The following KNCN variants were observed in gnomAD, a reference collection of about 807,000 sequenced individuals.
KNCN encodes kinocilin.
KNCN carries 11 observed loss-of-function variants against 10.4 expected under a neutral mutation model. That is an observed-to-expected ratio of 1.06 (90% CI 0.67 to 1.75). The LOEUF is 1.75. Ranked by LOEUF, KNCN falls within the 40% of genes most tolerant of loss-of-function variation. KNCN has a pLI of 0.00. For synonymous variants in KNCN, 67 were observed against 71.6 expected, an observed-to-expected ratio of 0.94 and a Z score of 0.33; for missense variants, 172 against 167.1, an observed-to-expected ratio of 1.03 and a Z score of -0.16.
chr1:46,549,813 CAGCT>C, intron 2 of KNCN, 117 bp downstream of exon 2: 1 of 1,515,396 alleles, frequency 6.6e-7, no homozygotes, highest in Non-Finnish European at 8.9e-7. Context: ...CTAACACAGA[CAGCT>C]AGCGCGGTCT....
Position 46,551,040 on chromosome 1 carries a change from C to T in KNCN, c.151+25G>A, listed in dbSNP as rs2148510030. 1.3e-6 allele frequency: 2 copies of T among 1,559,508 alleles called. No individual in the cohort carries two copies. Among genetic ancestry groups the T allele is most frequent in the East Asian group, 2.4e-5 (1 of 42,296 alleles). On this transcript the variant is annotated intron_variant, in intron 1 of 3. Transcript: ENST00000481882. This position sits in a 1 kb window ranked among gnomAD's most constrained non-coding sequence, Gnocchi z 4.0. ...CCCCCACCTCCAGAATCTCCCTTCC[C>T]TATCCCAGCCCAGCCCCTGCTCACC...
chr1:46,550,879 G>A (rs2148509912), intron 1 of KNCN, among the ~76,000 whole-genome samples, 186 bp downstream of exon 1: 1 of 152,180 alleles, frequency 6.6e-6, no homozygotes, highest in Middle Eastern at 3.4e-3. Flanking sequence ...TGGCTGGAAG[G>A]AGCCCCAGCG....
At chr1:46,549,148 A>AG in intron 3 of KNCN, 45 bp downstream of exon 3, 2 of 1,443,252 alleles carry the variant, frequency 1.4e-6, no homozygotes, top group Non-Finnish European at 1.8e-6. Flanking sequence ...TCTCAAAAAA[A>AG]AAAAAGAAAA....
At chr1:46,549,383 G>C in intron 2 of KNCN, 116 bp from the exon 3 acceptor site, 1 of 697,828 alleles carries the variant, frequency 1.4e-6, no homozygotes, top group South Asian at 2.1e-5. Flanking sequence ...TGCTGTCTTT[G>C]CTCCACTGCA....
At position 46,549,938 on chromosome 1, in the gene KNCN, G is replaced by T; in HGVS notation, c.216C>A (p.Thr72=). The T allele has an allele frequency of 6.4e-7, 1 of 1,550,600 alleles. No individual in the cohort carries two copies. The highest frequency in any genetic ancestry group is 1.2e-5 in the South Asian group (1 of 84,060). Residue 72 remains threonine (T), a synonymous_variant, in exon 2 of 4, where the codon ACC becomes ACA. Coordinates refer to ENST00000481882, the MANE Select transcript of KNCN (RefSeq NM_001322255.2). ...ARFNLDHILP[T]IGSLRIHPHP... ...GGGGTCAGGGAGAGGCCTCACCTAT[G>T]GTAGGCAGGATGTGGTCCAGGTTGA...
Position 46,549,961 on chromosome 1 carries a change from T to C in KNCN, c.193A>G (p.Asn65Asp). 1 of 1,550,554 alleles carries C rather than the reference T, an allele frequency of 6.4e-7. No homozygotes were observed. Among genetic ancestry groups the C allele is most frequent in the African/African-American group, 1.4e-5 (1 of 73,116 alleles). ...ATGGTAGGCAGGATGTGGTCCAGGT[T>C]GAACCGAGCCTTCAGGAAGGGGTAG... ...LAYPFLKARF[N>D]LDHILPTIGS... Residue 65 changes from asparagine to aspartate, a missense_variant, in exon 2 of 4, where the codon AAC (asparagine) becomes GAC (aspartate). By Grantham distance (23) the Asn-to-Asp change is conservative. Transcript: ENST00000481882.
Position 46,546,267 on chromosome 1 carries a change from G to A in KNCN, c.*1463C>T, listed in dbSNP as rs1569930908. The A allele has an allele frequency of 6.6e-6, 1 of 152,340 alleles. No individual in the cohort carries two copies. The highest frequency in any genetic ancestry group is 1.9e-4 in the East Asian group (1 of 5,180). The allele number at this position is 152,340 out of a possible 1,614,324, so 9.4% of individuals were successfully genotyped here. ...CTTTCCCATCTGAGATGGACTCTGT[G>A]CTTCAGAAAACTTTGGTTTTTCCAA... On this transcript the variant is annotated 3_prime_UTR_variant, in exon 4 of 4. Transcript: ENST00000481882.
chr1:46,551,567 C>A lies in KNCN; in HGVS notation c.-352G>T. The stretch of plus-strand genomic sequence containing the variant: ...GGAGCTGGGCCTGTTCCATAGGATC[C>A]TTCCCTGCCAGCCTCCACCCAGGAG... On this transcript the variant is annotated 5_prime_UTR_variant, in exon 1 of 4. It adds an upstream start codon to the 5' untranslated region. Coordinates refer to ENST00000481882, the MANE Select transcript of KNCN (RefSeq NM_001322255.2). The surrounding 1 kb of genome is among the most constrained non-coding windows in gnomAD (Gnocchi z 4.0). The A allele has an allele frequency of 4.9e-6, 1 of 203,394 alleles. No homozygotes were observed. Among genetic ancestry groups the A allele is most frequent in the Non-Finnish European group, 9.8e-6 (1 of 102,200 alleles). 12.6% of individuals were successfully genotyped at this position (203,394 alleles called of 1,614,324 possible).
At chr1:46,550,991 C>G in intron 1 of KNCN, 74 bp downstream of exon 1, 1 of 1,386,662 alleles carries the variant, frequency 7.2e-7, no homozygotes, top group Non-Finnish European at 9.8e-7. Flanking sequence ...TTCCCTGTTC[C>G]TTGTTCACCT....
In KNCN at chr1:46,550,015, A is replaced by C; in HGVS notation, c.152-13T>G. On this transcript the variant is annotated splice_polypyrimidine_tract_variant and intron_variant, in intron 1 of 3. Coordinates refer to ENST00000481882, the MANE Select transcript of KNCN (RefSeq NM_001322255.2). Reference sequence around the variant, plus strand: ...AAGATGAGGAGCCCTGAGAAGAGACACAGGGGGTTCTGTGATGGGGAGGAG... The same window carrying C: ...AAGATGAGGAGCCCTGAGAAGAGACCCAGGGGGTTCTGTGATGGGGAGGAG... The C allele has an allele frequency of 6.4e-7, 1 of 1,550,598 alleles. No homozygotes were observed. Among genetic ancestry groups the C allele is most frequent in the South Asian group, 1.2e-5 (1 of 84,054 alleles).
At position 46,547,356 on chromosome 1, in the gene KNCN, C is replaced by T. The variant is rs771903515; in HGVS notation, c.*374G>A. The T allele has an allele frequency of 3.9e-5, 19 of 488,490 alleles. No individual in the cohort carries two copies. Among genetic ancestry groups the T allele is most frequent in the South Asian group, 2.9e-4 (19 of 64,722 alleles). The allele number at this position is 488,490 out of a possible 1,614,324, so 30.3% of individuals were successfully genotyped here. ...TCTGTAGCCGGGTTAGAGCAAGGGA[C>T]TGGGGCATCCTGGTCATAGTCAGGG... is the stretch of plus-strand genomic sequence containing the variant. On this transcript the variant is annotated 3_prime_UTR_variant, in exon 4 of 4. Coordinates refer to ENST00000481882, the MANE Select transcript of KNCN (RefSeq NM_001322255.2).
In KNCN at chr1:46,546,718, C is replaced by T. The variant is rs1002981230; in HGVS notation, c.*1012G>A. 5.9e-5 allele frequency: 9 copies of T among 152,384 alleles called. No homozygotes were observed. Among genetic ancestry groups the T allele is most frequent in the African/African-American group, 2.2e-4 (9 of 41,432 alleles). 9.4% of individuals were successfully genotyped at this position (152,384 alleles called of 1,614,324 possible). Reference sequence around the variant, plus strand: ...TGAATCCATTAACATTTATTAAGCACCTACTGGTCTGGTGCTAGACACTAG... The same window carrying T: ...TGAATCCATTAACATTTATTAAGCATCTACTGGTCTGGTGCTAGACACTAG... On this transcript the variant is annotated 3_prime_UTR_variant, in exon 4 of 4. Transcript: ENST00000481882.
At chr1:46,547,916 C>T in intron 3 of KNCN, 107 bp from the exon 4 acceptor site, 2 of 743,206 alleles carry the variant, frequency 2.7e-6, no homozygotes, top group Non-Finnish European at 2.1e-6. Flanking sequence ...CCTGGTTGAC[C>T]CCAGGGCAGA....
chr1:46,549,820 C>T lies in KNCN; in HGVS notation c.220+114G>A, dbSNP rs200551385. The stretch of plus-strand genomic sequence containing the variant: ...CAGCAGCTCTAACACAGACAGCTAG[C>T]GCGGTCTCACACATGGGCTCATCCC... On this transcript the variant is annotated intron_variant, in intron 2 of 3. Transcript: ENST00000481882. 1.9e-3 allele frequency: 2,731 copies of T among 1,460,696 alleles called. 2 individuals carry two copies. The highest frequency in any genetic ancestry group is 2.3e-3 in the Non-Finnish European group (2,537 of 1,103,234). The allele number at this position is 1,460,696 out of a possible 1,614,324, so 90.5% of individuals were successfully genotyped here. A position where few individuals can be genotyped will look rare whatever the true frequency, so the allele number is the denominator to read the frequency against.
chr1:46,551,342 A>G lies in KNCN; in HGVS notation c.-127T>C. The G allele has an allele frequency of 9.4e-7, 1 of 1,064,566 alleles. No individual in the cohort carries two copies. The highest frequency in any genetic ancestry group is 1.3e-6 in the Non-Finnish European group (1 of 746,514). The allele number at this position is 1,064,566 out of a possible 1,614,324, so 65.9% of individuals were successfully genotyped here. A position where few individuals can be genotyped will look rare whatever the true frequency, so the allele number is the denominator to read the frequency against. ...TTCAGGGTAGGAGTTTCTGGGCAGTAAGATGATAGGTGGGGAACCCTGGGA... is the reference window on the plus strand; with the variant it reads ...TTCAGGGTAGGAGTTTCTGGGCAGTGAGATGATAGGTGGGGAACCCTGGGA... On this transcript the variant is annotated 5_prime_UTR_variant, in exon 1 of 4. Coordinates refer to ENST00000481882, the MANE Select transcript of KNCN (RefSeq NM_001322255.2). This position sits in a 1 kb window ranked among gnomAD's most constrained non-coding sequence, Gnocchi z 4.0.
intron 1 of KNCN, among the ~76,000 whole-genome samples, chr1:46,550,527 G>C (rs983494031): frequency 6.9e-6 from 1 of 144,760 alleles, no homozygotes; most frequent in Non-Finnish European, 1.5e-5. Flanking sequence ...TGGCCTGGGC[G>C]GGGGCGGGGG....
At position 46,547,813 on chromosome 1, in the gene KNCN, G is replaced by C. The variant is rs1666979662; in HGVS notation, c.296-4C>G. 2.1e-6 allele frequency: 3 copies of C among 1,455,648 alleles called. No homozygotes were observed. The highest frequency in any genetic ancestry group is 2.7e-6 in the Non-Finnish European group (3 of 1,103,386). 90.2% of individuals were successfully genotyped at this position (1,455,648 alleles called of 1,614,324 possible). A position where few individuals can be genotyped will look rare whatever the true frequency, so the allele number is the denominator to read the frequency against. ...GTGGACAGGCTGCTGCGGGCTCCTG[G>C]GGGAGAGAACAGGGACGAGGACTGC... On this transcript the variant is annotated splice_polypyrimidine_tract_variant and splice_region_variant and intron_variant, in intron 3 of 3. Transcript: ENST00000481882.
rs779604944 is a variant in KNCN, at chr1:46,547,569, C to T, written c.*161G>A. On this transcript the variant is annotated 3_prime_UTR_variant, in exon 4 of 4. Coordinates refer to ENST00000481882, the MANE Select transcript of KNCN (RefSeq NM_001322255.2). ...TCCATTTTGGAGAGGCTTGGCCGGGCGAGTGCAAAAGGCCCCATTCCAGAC... is the reference window on the plus strand; with the variant it reads ...TCCATTTTGGAGAGGCTTGGCCGGGTGAGTGCAAAAGGCCCCATTCCAGAC... 11 of 719,372 alleles carry T rather than the reference C, an allele frequency of 1.5e-5. No homozygotes were observed. Among genetic ancestry groups the T allele is most frequent in the African/African-American group, 3.5e-5 (2 of 57,380 alleles). 44.6% of individuals were successfully genotyped at this position (719,372 alleles called of 1,614,324 possible).
rs1388770457 is a variant in KNCN at position 46,551,404 on chromosome 1, C to T, written c.-189G>A. 1 of 556,634 alleles carries T rather than the reference C, an allele frequency of 1.8e-6. No homozygotes were observed. The highest frequency in any genetic ancestry group is 3.0e-6 in the Non-Finnish European group (1 of 329,320). 34.5% of individuals were successfully genotyped at this position (556,634 alleles called of 1,614,324 possible). On this transcript the variant is annotated 5_prime_UTR_variant, in exon 1 of 4. Coordinates refer to ENST00000481882, the MANE Select transcript of KNCN (RefSeq NM_001322255.2). This position sits in a 1 kb window ranked among gnomAD's most constrained non-coding sequence, Gnocchi z 4.0. ...TCCTATTCCACTGCTCCACTACGGG[C>T]CCCCCAGTCCCACCTTGACCAGGGA...
Sources: gnomAD v4.1 joint callset for allele counts (sites outside exome capture counted in the v4.1 genomes callset) on GRCh38, gnomAD v4.1.1 for gene constraint, Gnocchi (gnomAD v3.1) non-coding constraint, MANE v1.5 for transcripts, NCBI Gene and HGNC (gene_info 2026-07-23, HGNC 2026-07-21) for gene names.